Variants in PRKN observed in about 807,000 individuals in gnomAD.
PRKN encodes E3 ubiquitin-protein ligase parkin.
A neutral mutation model predicts 59.5 loss-of-function variants in PRKN; 56 were observed. The observed-to-expected ratio is 0.94, with a 90% CI of 0.76 to 1.18. The LOEUF is 1.18. Ranked by LOEUF, PRKN falls within the 50% of genes most tolerant of loss-of-function variation. The pLI is 0.00. For synonymous variants in PRKN, 250 were observed against 222.1 expected (o/e 1.13, Z -1.12); for missense variants, 657 against 596.4 (o/e 1.10, Z -1.06).
At chr6:161,501,377 T>C (rs911125173) in intron 9 of PRKN, among the ~76,000 whole-genome samples, 2 of 152,226 alleles carry the variant, frequency 1.3e-5, no homozygotes, top group Non-Finnish European at 2.9e-5. Flanking sequence ...ACATATGATG[T>C]TGAACATCTT....
chr6:162,063,220 A>C (rs1215071683), intron 4 of PRKN, among the ~76,000 whole-genome samples: 1 of 152,210 alleles, frequency 6.6e-6, no homozygotes, highest in East Asian at 1.9e-4. Context: ...ATTGTAAAAT[A>C]AGTAATCTCA....
At chr6:162,101,964 A>T (rs1379120288) in intron 4 of PRKN, among the ~76,000 whole-genome samples, 1 of 152,142 alleles carries the variant, frequency 6.6e-6, no homozygotes, top group Non-Finnish European at 1.5e-5. Flanking sequence ...TTAGCATTTA[A>T]TCCACAGGCC....
rs1215748465 is a variant in PRKN, at chr6:162,724,395, C to A, written c.7+3267G>T. On this transcript the variant is annotated intron_variant, in intron 1 of 11. Coordinates refer to ENST00000366898, the MANE Select transcript of PRKN (RefSeq NM_004562.3). ...AAGTACTTTTGAAACAGTCCTCATG[C>A]CAATAAGGGAATCTTCGGTTTTGAG... Among the ~76,000 whole-genome samples, 3 of 152,194 alleles carry A rather than the reference C, an allele frequency of 2.0e-5. No homozygotes were observed. The South Asian group carries it at 6.2e-4, about 32-fold the overall frequency.
chr6:162,186,886 A>G (rs911166461), intron 4 of PRKN, among the ~76,000 whole-genome samples: 4 of 152,228 alleles, frequency 2.6e-5, no homozygotes, highest in Non-Finnish European at 4.4e-5. Context: ...CTGGAGAACC[A>G]TCAGCCAATT....
intron 9 of PRKN, among the ~76,000 whole-genome samples, chr6:161,491,804 T>TA (rs1777571286): frequency 6.6e-6 from 1 of 152,076 alleles, no homozygotes; most frequent in Non-Finnish European, 1.5e-5. Context: ...CTAATTTTTG[T>TA]ATTTTTTAGT....
At chr6:162,313,649 G>A (rs978819292) in intron 2 of PRKN, among the ~76,000 whole-genome samples, 16 of 151,724 alleles carry the variant, frequency 1.1e-4, no homozygotes, top group Admixed American at 2.0e-4. Context: ...CATCATGCCC[G>A]GCTAATTTTT....
intron 3 of PRKN, among the ~76,000 whole-genome samples, chr6:162,217,389 CTGTT>C (rs1777728160): frequency 6.6e-6 from 1 of 152,094 alleles, no homozygotes. Context: ...GTTTATTTGT[CTGTT>C]TGTTTGAGAC....
chr6:161,926,344 G>C (rs1239448813), intron 6 of PRKN, among the ~76,000 whole-genome samples: 1 of 152,136 alleles, frequency 6.6e-6, no homozygotes, highest in Non-Finnish European at 1.5e-5. Context: ...CTTTGTAGCG[G>C]GAGTCGCAGA....
chr6:162,718,931 C>T (rs534496862), intron 1 of PRKN, among the ~76,000 whole-genome samples: 3 of 152,002 alleles, frequency 2.0e-5, no homozygotes, highest in South Asian at 2.1e-4. Flanking sequence ...TAGTGAGACA[C>T]GGCAGATGCC....
At chr6:161,366,071 C>G (rs988190936) in intron 10 of PRKN, among the ~76,000 whole-genome samples, 1 of 152,188 alleles carries the variant, frequency 6.6e-6, no homozygotes, top group Admixed American at 6.5e-5. Context: ...GGTGATGCTA[C>G]TGGAAGGTGG....
intron 1 of PRKN, among the ~76,000 whole-genome samples, chr6:162,494,788 T>C (rs1792984064): frequency 6.6e-6 from 1 of 152,220 alleles, no homozygotes; most frequent in Non-Finnish European, 1.5e-5. Flanking sequence ...TCTCTCATTT[T>C]TTCATAGCTG....
intron 1 of PRKN, among the ~76,000 whole-genome samples, chr6:162,653,265 A>G (rs1350376517): frequency 6.6e-6 from 1 of 152,206 alleles, no homozygotes; most frequent in Non-Finnish European, 1.5e-5. Context: ...GCATTTGCTA[A>G]AGCAAATATG....
rs555570574 is a variant in PRKN at position 161,917,514 on chromosome 6, A to G, written c.734+55788T>C. Among the ~76,000 whole-genome samples, 30 of 152,308 alleles carry G rather than the reference A, an allele frequency of 2.0e-4. 3 individuals are homozygous for G. In the South Asian group the frequency reaches 5.8e-3, roughly 29 times the overall value. ...TTTTGGCATTAATATTTGTGGTAGT[A>G]ATAAGGTTTTACATGATGGATTAGG... On this transcript the variant is annotated intron_variant, in intron 6 of 11. Transcript: ENST00000366898.
chr6:162,147,188 A>G (rs1448152778), intron 4 of PRKN, among the ~76,000 whole-genome samples: 3 of 151,410 alleles, frequency 2.0e-5, no homozygotes, highest in Non-Finnish European at 2.9e-5. Context: ...TAAAAACACA[A>G]AAATTACCCA....
chr6:162,700,580 T>C (rs1190014790), intron 1 of PRKN, among the ~76,000 whole-genome samples: 1 of 152,148 alleles, frequency 6.6e-6, no homozygotes, highest in Non-Finnish European at 1.5e-5. Flanking sequence ...GGAATACATT[T>C]TGAGAATTCA....
At chr6:161,627,160 G>A (rs11962547) in intron 7 of PRKN, among the ~76,000 whole-genome samples, 4,275 of 152,256 alleles carry the variant, frequency 0.028, 196 homozygotes, top group African/African-American at 0.098. Flanking sequence ...TACAGCATCG[G>A]AGAAAAGCCT....
intron 6 of PRKN, among the ~76,000 whole-genome samples, chr6:161,825,241 G>A (rs987228312): frequency 2.0e-5 from 3 of 152,176 alleles, no homozygotes; most frequent in Admixed American, 2.0e-4. Context: ...ATTGAAATAT[G>A]TTATTTTTCT....
chr6:161,918,387 C>G lies in PRKN; in HGVS notation c.734+54915G>C, dbSNP rs186710163. Among the ~76,000 whole-genome samples, 32 of 152,224 alleles carry G rather than the reference C, an allele frequency of 2.1e-4. 1 individual carries two copies. The highest frequency in any genetic ancestry group is 2.0e-3 in the Admixed American group (30 of 15,290). ...TCATAATTAACACTAAATAGTTACT[C>G]ATGGAAAAGCTGCAAGAGAGATTCA... On this transcript the variant is annotated intron_variant, in intron 6 of 11. Transcript: ENST00000366898.
chr6:162,011,852 T>C (rs938659568), intron 5 of PRKN, among the ~76,000 whole-genome samples: 1 of 151,100 alleles, frequency 6.6e-6, no homozygotes, highest in Non-Finnish European at 1.5e-5. Flanking sequence ...TACTTCTACA[T>C]ATAAAATTAG....
Sources: gnomAD v4.1 joint callset for allele counts (sites outside exome capture counted in the v4.1 genomes callset) on GRCh38, gnomAD v4.1.1 for gene constraint, MANE v1.5 for transcripts, NCBI Gene and HGNC (gene_info 2026-07-23, HGNC 2026-07-21) for gene names.